EDNRB: variants seen among roughly 807,000 people sequenced by gnomAD.
EDNRB encodes Hirschsprung disease 2.
Under a neutral mutation model 46.4 loss-of-function variants are expected in EDNRB, and 18 were observed. The observed-to-expected ratio is 0.39, with a 90% CI of 0.27 to 0.57. The LOEUF is 0.57. Ranked by LOEUF, EDNRB falls within the 20% of genes least tolerant of loss-of-function variation. The pLI is 0.61. For synonymous variants in EDNRB, 213 were observed against 204.9 expected, an observed-to-expected ratio of 1.04 and a Z score of -0.34; for missense variants, 434 against 537.5, an observed-to-expected ratio of 0.81 and a Z score of 1.90.
chr13:77,904,911 C>T (rs539343871), intron 1 of EDNRB, among the ~76,000 whole-genome samples: 6 of 151,992 alleles, frequency 3.9e-5, no homozygotes, highest in South Asian at 4.2e-4. Flanking sequence ...AAGACTCTAC[C>T]GAGTTTGTCA....
intron 1 of EDNRB, chr13:77,947,755 C>G (rs73550338): frequency 1.3e-5 from 2 of 151,440 alleles, no homozygotes; most frequent in South Asian, 4.2e-4. Context: ...ACTATATGTG[C>G]GTACCACCAC....
At position 77,918,162 on chromosome 13, in the gene EDNRB, T is replaced by C. The variant is rs1221743247; in HGVS notation, c.412A>G (p.Ile138Val). 1 of 1,614,038 alleles carries C rather than the reference T, an allele frequency of 6.2e-7. No individual in the cohort carries two copies. The highest frequency in any genetic ancestry group is 8.5e-7 in the Non-Finnish European group (1 of 1,180,036). The change falls in exon 1 of 7, where the codon ATC becomes GTC. Residue 138 changes from isoleucine to valine, a missense_variant. By Grantham distance (29) the Ile-to-Val change is conservative (BLOSUM62 3). Transcript: ENST00000646607. The surrounding 1 kb of genome is among the most constrained non-coding windows in gnomAD (Gnocchi z 4.5). Reference sequence around the variant, plus strand: ...CCCAGAGCCAAGCTGGCGATCAAGATATTGGGACCGTTTCGCATGCACTTG... The same window carrying C: ...CCCAGAGCCAAGCTGGCGATCAAGACATTGGGACCGTTTCGCATGCACTTG... ...KNKCMRNGPN[I>V]LIASLALGDL... is the part of the protein sequence containing the mutation.
At chr13:77,974,483 T>C (rs1223516243) in intron 1 of EDNRB, among the ~76,000 whole-genome samples, 2 of 152,198 alleles carry the variant, frequency 1.3e-5, no homozygotes, top group African/African-American at 4.8e-5. Flanking sequence ...TACAGGATTA[T>C]GGAGAATACC....
At position 77,909,118 on chromosome 13, in the gene EDNRB, A is replaced by C. The variant is rs142838597; in HGVS notation, c.484-5511T>G. Among the ~76,000 whole-genome samples, 1,136 of 152,134 alleles carry C rather than the reference A, an allele frequency of 7.5e-3. 14 individuals carry two copies. The highest frequency in any genetic ancestry group is 0.025 in the African/African-American group (1,051 of 41,522). On this transcript the variant is annotated intron_variant, in intron 1 of 6. Coordinates refer to ENST00000646607, the MANE Select transcript of EDNRB (RefSeq NM_001122659.3). ...TTTGGATGATAAACACAAATAAATA[A>C]ACACTAGATTGAAAAAAGGTGTGGC... is the stretch of plus-strand genomic sequence containing the variant.
intron 1 of EDNRB, among the ~76,000 whole-genome samples, chr13:77,909,262 T>TA (rs1879449731): frequency 6.6e-6 from 1 of 152,074 alleles, no homozygotes; most frequent in African/African-American, 2.4e-5. Context: ...TATTACATTA[T>TA]AAAGTCATTT....
At chr13:77,915,828 T>C (rs983992821) in intron 1 of EDNRB, among the ~76,000 whole-genome samples, 2 of 152,184 alleles carry the variant, frequency 1.3e-5, no homozygotes, top group Admixed American at 6.5e-5. Context: ...TAATGACTCA[T>C]TGGCTTATTT....
intron 1 of EDNRB, among the ~76,000 whole-genome samples, chr13:77,912,929 G>A (rs1361235353): frequency 2.0e-5 from 3 of 152,176 alleles, no homozygotes; most frequent in African/African-American, 7.2e-5. Context: ...CTTACTTCTT[G>A]TGTTGCTATA....
At chr13:77,965,116 G>A (rs1004618001) in intron 1 of EDNRB, among the ~76,000 whole-genome samples, 5 of 152,132 alleles carry the variant, frequency 3.3e-5, no homozygotes, top group African/African-American at 9.7e-5. Flanking sequence ...AGAAATGCAC[G>A]TGTTCACATT....
At chr13:77,944,462 A>G (rs1338922306) in intron 1 of EDNRB, among the ~76,000 whole-genome samples, 1 of 144,304 alleles carries the variant, frequency 6.9e-6, no homozygotes, top group Non-Finnish European at 1.5e-5. Context: ...CATTATATTT[A>G]CAAGTTTTTT....
chr13:77,921,967 T>G (rs1880098086), upstream of EDNRB, among the ~76,000 whole-genome samples: 1 of 152,176 alleles, frequency 6.6e-6, no homozygotes, highest in South Asian at 2.1e-4. Context: ...TTTTTCATCT[T>G]ATTACTTAAA....
intron 1 of EDNRB, among the ~76,000 whole-genome samples, chr13:77,925,376 A>C (rs1566321314): frequency 6.6e-6 from 1 of 152,208 alleles, no homozygotes; most frequent in Non-Finnish European, 1.5e-5. Flanking sequence ...TTTTTAATAG[A>C]GGTATTTGCA....
intron 1 of EDNRB, among the ~76,000 whole-genome samples, chr13:77,947,967 T>C (rs2137671542): frequency 6.6e-6 from 1 of 152,252 alleles, no homozygotes; most frequent in East Asian, 1.9e-4. Context: ...GGTGAACTTT[T>C]AACTCTCTCA....
chr13:77,968,550 G>A (rs896563958), intron 1 of EDNRB, among the ~76,000 whole-genome samples: 3 of 151,918 alleles, frequency 2.0e-5, no homozygotes, highest in African/African-American at 7.3e-5. Flanking sequence ...AGACAGACAC[G>A]TTTTCTGCCT....
intron 1 of EDNRB, among the ~76,000 whole-genome samples, chr13:77,925,809 T>C (rs969150758): frequency 2.6e-5 from 4 of 152,092 alleles, no homozygotes; most frequent in Admixed American, 2.0e-4. Flanking sequence ...AGTGGTAGAT[T>C]TACCGACATC....
intron 1 of EDNRB, among the ~76,000 whole-genome samples, chr13:77,930,505 CA>C (rs1224487729): frequency 6.6e-6 from 1 of 151,988 alleles, no homozygotes; most frequent in East Asian, 1.9e-4. Flanking sequence ...GATATGGAAC[CA>C]AAAATTAGCA....
intron 6 of EDNRB, chr13:77,899,562 TTATGTGATGCC>T (rs1321550264): frequency 6.9e-5 from 21 of 303,712 alleles, no homozygotes; most frequent in Non-Finnish European, 1.3e-4. Flanking sequence ...CCTTATTTTA[TTATGTGATGCC>T]TATCAGACAT....
intron 1 of EDNRB, among the ~76,000 whole-genome samples, chr13:77,937,396 CTCTT>C (rs370292195): frequency 6.6e-6 from 1 of 152,302 alleles, no homozygotes; most frequent in African/African-American, 2.4e-5. Flanking sequence ...AGAGAAAAAA[CTCTT>C]TCTCTTTCAT....
chr13:77,968,860 G>A (rs1881649958), intron 1 of EDNRB, among the ~76,000 whole-genome samples: 1 of 152,144 alleles, frequency 6.6e-6, no homozygotes, highest in Non-Finnish European at 1.5e-5. Context: ...GGCCGTTTGA[G>A]AAATAACATC....
At chr13:77,957,751 T>C (rs1347616477) in intron 1 of EDNRB, among the ~76,000 whole-genome samples, 1 of 152,226 alleles carries the variant, frequency 6.6e-6, no homozygotes, top group African/African-American at 2.4e-5. Context: ...TGTCCACTCA[T>C]ATCCTATGAT....
Sources: allele counts gnomAD v4.1 joint callset (sites outside exome capture counted in the v4.1 genomes callset), GRCh38; gene constraint gnomAD v4.1.1; non-coding constraint Gnocchi (gnomAD v3.1); transcripts MANE v1.5; gene names NCBI Gene and HGNC (gene_info 2026-07-23, HGNC 2026-07-21).